The following GNB5 variants were observed in gnomAD, a reference collection of about 807,000 sequenced individuals.
GNB5 encodes the protein guanine nucleotide-binding protein subunit beta-5.
In GNB5, 37 loss-of-function variants were observed where a neutral mutation model predicts 55.3. The observed-to-expected ratio is 0.67, with a 90% CI of 0.51 to 0.88. The LOEUF (loss-of-function observed/expected upper bound fraction) is 0.88, where lower values mean the gene tolerates loss of function less well. GNB5 is among the 40% of genes least tolerant of loss of function. GNB5 has a pLI of 0.00. For synonymous variants in GNB5, 219 were observed against 198.5 expected (o/e 1.10, Z -0.87); for missense variants, 476 against 515.3 (o/e 0.92, Z 0.74).
chr15:52,134,376 A>G (rs997655271), intron 8 of GNB5, among the ~76,000 whole-genome samples: 1 of 152,210 alleles, frequency 6.6e-6, no homozygotes, highest in African/African-American at 2.4e-5. Flanking sequence ...ATGAAGCACC[A>G]TCACACATCT....
Position 52,154,070 on chromosome 15 carries a change from T to C in GNB5, c.245A>G (p.Gln82Arg). Residue 82 changes from glutamine to arginine, a missense_variant, in exon 4 of 13, where the codon CAG (glutamine) becomes CGG (arginine). Coordinates refer to ENST00000261837, the MANE Select transcript of GNB5 (RefSeq NM_016194.4). The part of the protein sequence containing the change: ...RAKLHDVELH[Q>R]VAERVEALGQ... ...CAGGGCCTCCACCCGCTCCGCCACC[T>C]GGTGCACTGGAATGACAAGGCCATA... 3 of 1,613,864 alleles carry C rather than the reference T, an allele frequency of 1.9e-6. No homozygotes were observed. The highest frequency in any genetic ancestry group is 2.5e-6 in the Non-Finnish European group (3 of 1,179,866).
At chr15:52,165,872 T>C (rs185142721) in intron 3 of GNB5, among the ~76,000 whole-genome samples, 5 of 152,312 alleles carry the variant, frequency 3.3e-5, no homozygotes. Context: ...ATGGGCTAAA[T>C]GCTCCAATTA....
At chr15:52,185,371 T>C (rs1190101905) in intron 1 of GNB5, among the ~76,000 whole-genome samples, 1 of 152,252 alleles carries the variant, frequency 6.6e-6, no homozygotes, top group African/African-American at 2.4e-5. Flanking sequence ...ATCTGTCAAG[T>C]GGAGATCTTA....
chr15:52,117,102 A>ATATATTTTTTTT lies in GNB5; in HGVS notation c.*5654_*5655insAAAAAAAATATA. On this transcript the variant is annotated 3_prime_UTR_variant, in exon 13 of 13. Coordinates refer to ENST00000261837, the MANE Select transcript of GNB5 (RefSeq NM_016194.4). ...CCACGCCCAGCTAATATATATATAT[A>ATATATTTTTTTT]TTTTTTTTTAGTACAGACAGGGTTT... 4.6e-5 allele frequency: 4 copies of ATATATTTTTTTT among 87,098 alleles called. No homozygotes were observed. The highest frequency in any genetic ancestry group is 1.8e-4 in the African/African-American group (3 of 16,416). The allele number at this position is 87,098 out of a possible 1,614,324, so 5.4% of individuals were successfully genotyped here.
intron 3 of GNB5, among the ~76,000 whole-genome samples, chr15:52,176,818 C>T (rs1029393374): frequency 1.3e-5 from 2 of 152,164 alleles, no homozygotes; most frequent in Non-Finnish European, 2.9e-5. Context: ...CATCCTCTCT[C>T]TCAAAACCCT....
At chr15:52,130,137 G>C (rs2033538479) in intron 9 of GNB5, among the ~76,000 whole-genome samples, 1 of 152,196 alleles carries the variant, frequency 6.6e-6, no homozygotes, top group Non-Finnish European at 1.5e-5. Flanking sequence ...GACAGAATGA[G>C]CTATCGTAGC....
rs983771789 is a variant in GNB5, at chr15:52,153,800, C to A, written c.375+140G>T. 5.8e-6 allele frequency: 4 copies of A among 687,590 alleles called. No homozygotes were observed. The East Asian group carries it at 7.6e-5, about 13-fold the overall frequency. 42.6% of individuals were successfully genotyped at this position (687,590 alleles called of 1,614,324 possible). On this transcript the variant is annotated intron_variant, in intron 4 of 12. Coordinates refer to ENST00000261837, the MANE Select transcript of GNB5 (RefSeq NM_016194.4). ...AAGTTCTATAATATGTAAGAGAGTT[C>A]TTTATGCTAAATCACATCCTTTGGA...
At position 52,184,561 on chromosome 15, in the gene GNB5, CAT is replaced by C. The variant is rs773003202; in HGVS notation, c.114_115del (p.Ala40ArgfsTer77). Reference sequence around the variant, plus strand: ...TTAAGTGGCACTTACAATTTCTGCACATGTTGAACAGTAGCTGAGTTGTTGAG... The same window carrying C: ...TTAAGTGGCACTTACAATTTCTGCACGTTGAACAGTAGCTGAGTTGTTGAG... On this transcript the variant is annotated frameshift_variant, in exon 2 of 13. Transcript: ENST00000261837. LOFTEE classifies it high-confidence loss of function. 6.2e-7 allele frequency: 1 copy of C among 1,613,516 alleles called. No individual in the cohort carries two copies. Among genetic ancestry groups the C allele is most frequent in the South Asian group, 1.1e-5 (1 of 90,990 alleles).
chr15:52,137,228 G>A, intron 7 of GNB5: 1 of 1,163,192 alleles, frequency 8.6e-7, no homozygotes, highest in South Asian at 1.7e-5. Flanking sequence ...TCTGATGTTC[G>A]CTTGGGGAGT....
intron 11 of GNB5, among the ~76,000 whole-genome samples, chr15:52,124,990 T>C (rs2033384297): frequency 6.6e-6 from 1 of 152,198 alleles, no homozygotes; most frequent in African/African-American, 2.4e-5. Flanking sequence ...GTAAAACTTG[T>C]TTAAAGAGAG....
chr15:52,136,965 G>A (rs1225754825), intron 7 of GNB5: 15 of 453,418 alleles, frequency 3.3e-5, no homozygotes, highest in Admixed American at 4.7e-5. Context: ...ACTGTGAATC[G>A]ATTAGACAAC....
chr15:52,128,123 A>C lies in GNB5; in HGVS notation c.912+73T>G. On this transcript the variant is annotated intron_variant, in intron 10 of 12. Transcript: ENST00000261837. ...TCGTTACTTCTGTAACCAGAAAAAT[A>C]GTTATTTTCTTAAAATAAGTTAGCA... The C allele has an allele frequency of 6.1e-6, 6 of 976,372 alleles. No individual in the cohort carries two copies. In the Admixed American group the frequency reaches 9.5e-5, roughly 15 times the overall value. The allele number at this position is 976,372 out of a possible 1,614,324, so 60.5% of individuals were successfully genotyped here.
intron 7 of GNB5, among the ~76,000 whole-genome samples, chr15:52,136,101 G>GCACACA (rs2033705712): frequency 8.1e-5 from 2 of 24,562 alleles, no homozygotes; most frequent in African/African-American, 4.2e-4. Context: ...ACACACACAG[G>GCACACA]GAAAAGCAGA....
chr15:52,125,904 C>A (rs757431329), intron 11 of GNB5, 44 bp downstream of exon 11: 2 of 796,556 alleles, frequency 2.5e-6, no homozygotes, highest in South Asian at 1.5e-5. Flanking sequence ...TCATTCTGGT[C>A]CTGTCTTACA....
intron 3 of GNB5, among the ~76,000 whole-genome samples, chr15:52,168,496 T>C (rs1482275261): frequency 6.6e-6 from 1 of 152,212 alleles, no homozygotes; most frequent in African/African-American, 2.4e-5. Context: ...AAACATTCCA[T>C]GCTTATGGAT....
At chr15:52,128,053 G>C in intron 10 of GNB5, 143 bp downstream of exon 10, 2 of 550,714 alleles carry the variant, frequency 3.6e-6, no homozygotes, top group Non-Finnish European at 3.2e-6. Context: ...TGGGTAAGGA[G>C]ATCAAGGTAA....
At chr15:52,166,235 T>C (rs889205674) in intron 3 of GNB5, among the ~76,000 whole-genome samples, 4 of 152,038 alleles carry the variant, frequency 2.6e-5, no homozygotes, top group African/African-American at 9.7e-5. Context: ...TCCCACACAA[T>C]AATAGTGGGA....
At chr15:52,153,621 A>C (rs1012297051) in intron 4 of GNB5, among the ~76,000 whole-genome samples, 2 of 152,206 alleles carry the variant, frequency 1.3e-5, no homozygotes, top group African/African-American at 4.8e-5. Context: ...CATTGACAGA[A>C]TCTTACGCCC....
chr15:52,183,353 C>T (rs902967699), intron 2 of GNB5, among the ~76,000 whole-genome samples: 9 of 151,868 alleles, frequency 5.9e-5, no homozygotes, highest in Admixed American at 6.6e-5. Flanking sequence ...GTAAGGCCCC[C>T]AGAAAGCAGG....
Sources: gnomAD v4.1 joint callset for allele counts (sites outside exome capture counted in the v4.1 genomes callset) on GRCh38, gnomAD v4.1.1 for gene constraint, MANE v1.5 for transcripts, NCBI Gene and HGNC (gene_info 2026-07-23, HGNC 2026-07-21) for gene names.